ZC3H4: variants seen among roughly 807,000 people sequenced by gnomAD.
The protein encoded by ZC3H4 is zinc finger CCCH domain-containing protein 4.
In ZC3H4, 13 loss-of-function variants were observed where a neutral mutation model predicts 108.3. That is an observed-to-expected ratio of 0.12 (90% confidence interval 0.08 to 0.19). The LOEUF is 0.19. Among genes scored for constraint, ZC3H4 ranks in the 10% least tolerant of loss-of-function variants. ZC3H4 has a pLI of 1.00. For missense variants in ZC3H4, 1,734 were observed against 1,838.8 expected, an observed-to-expected ratio of 0.94 and a Z score of 1.04; for synonymous variants, 917 against 749.6, an observed-to-expected ratio of 1.22 and a Z score of -3.65.
intron 4 of ZC3H4, among the ~76,000 whole-genome samples, chr19:47,091,038 G>A (rs777038929): frequency 5.9e-5 from 9 of 151,464 alleles, no homozygotes; most frequent in Non-Finnish European, 1.0e-4. Context: ...AGGCCGAGGC[G>A]GGCAGATCAC....
chr19:47,067,384 T>C lies in ZC3H4; in HGVS notation c.2884A>G (p.Ile962Val). 6.2e-7 allele frequency: 1 copy of C among 1,609,216 alleles called. No individual in the cohort carries two copies. Among genetic ancestry groups the C allele is most frequent in the Non-Finnish European group, 8.5e-7 (1 of 1,177,336 alleles). The change falls in exon 15 of 15, where the codon ATC becomes GTC. Residue 962 changes from isoleucine to valine, a missense_variant. By Grantham distance (29) the Ile-to-Val change is conservative. Coordinates refer to ENST00000253048, the MANE Select transcript of ZC3H4 (RefSeq NM_015168.2). The surrounding 1 kb of genome is among the most constrained non-coding windows in gnomAD (Gnocchi z 6.4). Reference sequence around the variant, plus strand: ...TTGCTCAGGGTCACGTCCTTCTTGATGTGGCTGAACTGCTGCAGCTGTGAC... The same window carrying C: ...TTGCTCAGGGTCACGTCCTTCTTGACGTGGCTGAACTGCTGCAGCTGTGAC... ...PRSQLQQFSH[I>V]KKDVTLSKPS...
At chr19:47,076,277 G>A (rs1211173998) in intron 11 of ZC3H4, among the ~76,000 whole-genome samples, 1 of 152,222 alleles carries the variant, frequency 6.6e-6, no homozygotes, top group Non-Finnish European at 1.5e-5. Flanking sequence ...AAGGCTTCAT[G>A]CCAAGTGCAA....
At chr19:47,074,430 A>T (rs1200943035) in intron 11 of ZC3H4, among the ~76,000 whole-genome samples, 1 of 152,184 alleles carries the variant, frequency 6.6e-6, no homozygotes, top group Non-Finnish European at 1.5e-5. Context: ...TGAATGAGAA[A>T]TGTCAAAATC....
At chr19:47,069,370 A>C in intron 13 of ZC3H4, 27 bp from the exon 14 acceptor site, 3 of 1,603,864 alleles carry the variant, frequency 1.9e-6, no homozygotes, top group Non-Finnish European at 2.6e-6. Context: ...CCGAGGGTTC[A>C]TGTCGGGAAG....
chr19:47,083,046 T>C lies in ZC3H4; in HGVS notation c.1219-751A>G, dbSNP rs377172010. On this transcript the variant is annotated intron_variant, in intron 9 of 14. Coordinates refer to ENST00000253048, the MANE Select transcript of ZC3H4 (RefSeq NM_015168.2). ...ACGAATGCCTATTCATTTGTCTTAATTTATTTACTTATTTTTGAGACAGAG... is the reference window on the plus strand; with the variant it reads ...ACGAATGCCTATTCATTTGTCTTAACTTATTTACTTATTTTTGAGACAGAG... Among the ~76,000 whole-genome samples, 6 of 152,204 alleles carry C rather than the reference T, an allele frequency of 3.9e-5. 1 individual carries two copies. Among genetic ancestry groups the C allele is most frequent in the African/African-American group, 1.2e-4 (5 of 41,558 alleles).
chr19:47,102,430 T>C (rs1322877111), intron 2 of ZC3H4, among the ~76,000 whole-genome samples: 1 of 152,210 alleles, frequency 6.6e-6, no homozygotes, highest in African/African-American at 2.4e-5. Flanking sequence ...ACAGACTTCA[T>C]GAATCAGTAT....
In ZC3H4 at chr19:47,072,227, A is replaced by C; in HGVS notation, c.1803-106T>G. On this transcript the variant is annotated intron_variant, in intron 12 of 14. Transcript: ENST00000253048. The surrounding 1 kb of genome is among the most constrained non-coding windows in gnomAD (Gnocchi z 5.6). ...CAGAGCCGAAGGTCATGGGCCCCAGACCAGGACTCCCACAGCTGGGGAGAG... is the reference window on the plus strand; with the variant it reads ...CAGAGCCGAAGGTCATGGGCCCCAGCCCAGGACTCCCACAGCTGGGGAGAG... 1.4e-6 allele frequency: 2 copies of C among 1,392,794 alleles called. No homozygotes were observed. Among genetic ancestry groups the C allele is most frequent in the Non-Finnish European group, 1.9e-6 (2 of 1,031,884 alleles). The allele number at this position is 1,392,794 out of a possible 1,614,324, so 86.3% of individuals were successfully genotyped here. A position where few individuals can be genotyped will look rare whatever the true frequency, so the allele number is the denominator to read the frequency against.
chr19:47,069,106 C>T lies in ZC3H4; in HGVS notation c.2384G>A (p.Arg795Gln), dbSNP rs1369711181. 16 of 1,603,684 alleles carry T rather than the reference C, an allele frequency of 1.0e-5. No individual in the cohort carries two copies. Among genetic ancestry groups the T allele is most frequent in the East Asian group, 2.2e-5 (1 of 44,886 alleles). Residue 795 changes from arginine (R) to glutamine (Q), a missense_variant, in exon 14 of 15, where the codon CGG becomes CAG. This residue lies in a region of ZC3H4 where 540 missense variants were observed against 484.1 expected (regional missense o/e 1.12). Transcript: ENST00000253048. Reference sequence around the variant, plus strand: ...CGGACACGTGCCTTCCTCATTCTCCCGGTCCTGCTTGCTGCTCTCAGCCAG... The same window carrying T: ...CGGACACGTGCCTTCCTCATTCTCCTGGTCCTGCTTGCTGCTCTCAGCCAG... Reference protein sequence around the residue: ...RRLAESSKQDRENEEGDTGNW... With the variant: ...RRLAESSKQDQENEEGDTGNW...
chr19:47,070,068 C>T (rs1458275470), intron 13 of ZC3H4, among the ~76,000 whole-genome samples: 2 of 152,152 alleles, frequency 1.3e-5, no homozygotes, highest in South Asian at 2.1e-4. Flanking sequence ...GCAGGCTCGG[C>T]GACGCCTCCT....
chr19:47,085,543 C>T, intron 6 of ZC3H4, 129 bp from the exon 7 acceptor site: 2 of 786,240 alleles, frequency 2.5e-6, no homozygotes, highest in Non-Finnish European at 3.9e-6. Flanking sequence ...CCCGTTTCCA[C>T]ACAGCCTGAC....
intron 13 of ZC3H4, among the ~76,000 whole-genome samples, chr19:47,070,131 C>CGG (rs201848662): frequency 9.1e-4 from 138 of 151,246 alleles, no homozygotes; most frequent in African/African-American, 3.2e-3. Flanking sequence ...ATCACCGAAA[C>CGG]GGAGGGGGGG....
chr19:47,065,538 G>A lies in ZC3H4; in HGVS notation c.*818C>T, dbSNP rs781452961. On this transcript the variant is annotated 3_prime_UTR_variant, in exon 15 of 15. Coordinates refer to ENST00000253048, the MANE Select transcript of ZC3H4 (RefSeq NM_015168.2). The stretch of plus-strand genomic sequence containing the variant: ...GTGTGGCCCACCTGATAGGACAGGT[G>A]GGGTAATACTGACAGAACGTGCGTG... 6.5e-6 allele frequency: 1 copy of A among 152,678 alleles called. No individual in the cohort carries two copies. Among genetic ancestry groups the A allele is most frequent in the Non-Finnish European group, 1.5e-5 (1 of 68,126 alleles). The allele number at this position is 152,678 out of a possible 1,614,324, so 9.5% of individuals were successfully genotyped here. A position where few individuals can be genotyped will look rare whatever the true frequency, so the allele number is the denominator to read the frequency against.
intron 1 of ZC3H4, among the ~76,000 whole-genome samples, chr19:47,112,985 G>A (rs1054415155): frequency 2.0e-5 from 3 of 152,054 alleles, no homozygotes; most frequent in East Asian, 1.9e-4. Context: ...GGGGTGGGGG[G>A]TTAAAAAGAA....
rs200656728 is a variant in ZC3H4, at chr19:47,072,010, C to A, written c.1914G>T (p.Pro638=). 8.2e-6 allele frequency: 13 copies of A among 1,591,522 alleles called. No homozygotes were observed. Among genetic ancestry groups the A allele is most frequent in the Middle Eastern group, 1.7e-4 (1 of 6,024 alleles). The change falls in exon 13 of 15, where the codon CCG becomes CCT. Residue 638 remains proline (P), a synonymous_variant. Transcript: ENST00000253048. The surrounding 1 kb of genome is among the most constrained non-coding windows in gnomAD (Gnocchi z 5.6). ...MHPDMHPDMH[P]DMHPDMHADM... is the part of the protein sequence containing the mutation. The stretch of plus-strand genomic sequence containing the variant: ...CTGCGTGCATGTCAGGGTGCATGTC[C>A]GGGTGCATGTCGGGGTGCATGTCAG...
At chr19:47,093,111 G>A (rs2057764239) in intron 4 of ZC3H4, among the ~76,000 whole-genome samples, 2 of 149,342 alleles carry the variant, frequency 1.3e-5, no homozygotes, top group Admixed American at 6.8e-5. Flanking sequence ...AGCTACTCAG[G>A]ATGCTGAAGC....
At position 47,067,273 on chromosome 19, in the gene ZC3H4, G is replaced by A; in HGVS notation, c.2995C>T (p.Pro999Ser). The A allele has an allele frequency of 6.3e-7, 1 of 1,588,164 alleles. No individual in the cohort carries two copies. The highest frequency in any genetic ancestry group is 8.6e-7 in the Non-Finnish European group (1 of 1,166,962). Residue 999 changes from proline (P) to serine (S), a missense_variant, in exon 15 of 15, where the codon CCC becomes TCC. Transcript: ENST00000253048. This position sits in a 1 kb window ranked among gnomAD's most constrained non-coding sequence, Gnocchi z 6.4. ...IPKQDAVPPV[P>S]AALQSMPTLD... ...GTGGGCATGGATTGCAGGGCCGCGG[G>A]CACGGGGGGCACTGCGTCCTGCTTG...
chr19:47,078,105 A>G (rs1458984142), intron 11 of ZC3H4, among the ~76,000 whole-genome samples: 2 of 152,204 alleles, frequency 1.3e-5, no homozygotes, highest in African/African-American at 4.8e-5. Context: ...TGCCACTTAA[A>G]AAATTTTTTT....
At chr19:47,069,946 C>T (rs1044141752) in intron 13 of ZC3H4, among the ~76,000 whole-genome samples, 4 of 152,172 alleles carry the variant, frequency 2.6e-5, no homozygotes, top group Admixed American at 6.5e-5. Context: ...CCTCCTGCAG[C>T]GTGGGCACTG....
intron 11 of ZC3H4, among the ~76,000 whole-genome samples, chr19:47,080,351 C>T (rs1368422309): frequency 6.6e-6 from 1 of 152,194 alleles, no homozygotes; most frequent in Non-Finnish European, 1.5e-5. Flanking sequence ...GCCCTGACAC[C>T]TCCCCCAAGG....
Sources: gnomAD v4.1 joint callset for allele counts (sites outside exome capture counted in the v4.1 genomes callset) on GRCh38, gnomAD v4.1.1 for gene constraint, gnomAD v4.1.1 regional missense constraint, Gnocchi (gnomAD v3.1) non-coding constraint, MANE v1.5 for transcripts, NCBI Gene and HGNC (gene_info 2026-07-23, HGNC 2026-07-21) for gene names.